PREP: variants seen among roughly 807,000 people sequenced by gnomAD.
PREP encodes the protein dJ355L5.1 (prolyl endopeptidase).
PREP carries 29 observed loss-of-function variants against 87.6 expected under a neutral mutation model. That is an observed-to-expected ratio of 0.33 (90% CI 0.25 to 0.45). PREP has a LOEUF of 0.45. PREP is among the 20% of genes least tolerant of loss of function. The pLI, the probability that PREP is intolerant of heterozygous loss-of-function variation, is 1.00. For synonymous variants in PREP, 337 were observed against 328.6 expected (o/e 1.03, Z -0.28); for missense variants, 695 against 886.5 (o/e 0.78, Z 2.74).
intron 14 of PREP, chr6:105,280,547 A>T (rs2114609652): frequency 6.6e-6 from 1 of 152,348 alleles, no homozygotes; most frequent in Non-Finnish European, 1.5e-5. Flanking sequence ...TGCAGTTTCA[A>T]ACATATGTAG....
chr6:105,374,220 G>A (rs764203651), intron 4 of PREP, among the ~76,000 whole-genome samples: 13 of 152,150 alleles, frequency 8.5e-5, no homozygotes, highest in Admixed American at 2.0e-4. Context: ...ATAGACTGTC[G>A]TGCCATGTAC....
In PREP at chr6:105,278,515, TA is replaced by T; in HGVS notation, c.1839-78del. On this transcript the variant is annotated intron_variant, in intron 14 of 14. Transcript: ENST00000652536. The surrounding 1 kb of genome is among the most constrained non-coding windows in gnomAD (Gnocchi z 4.2). Reference sequence around the variant, plus strand: ...TGGCACAGGGACCTAGGTAGTTAATTAGCAGTGAGGACTGCAGTTAACTAGT... The same window carrying T: ...TGGCACAGGGACCTAGGTAGTTAATTGCAGTGAGGACTGCAGTTAACTAGT... 2.1e-6 allele frequency: 3 copies of T among 1,432,554 alleles called. No homozygotes were observed. Among genetic ancestry groups the T allele is most frequent in the Non-Finnish European group, 2.9e-6 (3 of 1,041,742 alleles). 88.7% of individuals were successfully genotyped at this position (1,432,554 alleles called of 1,614,324 possible).
intron 10 of PREP, among the ~76,000 whole-genome samples, chr6:105,307,278 T>C (rs1770675304): frequency 6.6e-6 from 1 of 152,174 alleles, no homozygotes; most frequent in South Asian, 2.1e-4. Flanking sequence ...TGAATTTGTA[T>C]GTATGATTTC....
At chr6:105,380,413 G>T (rs1252916900) in intron 2 of PREP, among the ~76,000 whole-genome samples, 1 of 152,216 alleles carries the variant, frequency 6.6e-6, no homozygotes, top group African/African-American at 2.4e-5. Flanking sequence ...TCTCATCGAA[G>T]TGCAAATAAG....
At position 105,278,094 on chromosome 6, in the gene PREP, GA is replaced by G; in HGVS notation, c.*49del. 6.4e-7 allele frequency: 1 copy of G among 1,565,158 alleles called. No individual in the cohort carries two copies. Among genetic ancestry groups the G allele is most frequent in the Non-Finnish European group, 8.7e-7 (1 of 1,151,364 alleles). ...CAGTGGTTTCTTGGTGTCAACGTGG[GA>G]AAGCCCTTGAGGTTTTCTGTCGCTG... On this transcript the variant is annotated 3_prime_UTR_variant, in exon 15 of 15. Coordinates refer to ENST00000652536, the MANE Select transcript of PREP (RefSeq NM_002726.5). This position sits in a 1 kb window ranked among gnomAD's most constrained non-coding sequence, Gnocchi z 4.2.
intron 7 of PREP, among the ~76,000 whole-genome samples, chr6:105,333,752 A>G (rs1771405214): frequency 6.6e-6 from 1 of 152,148 alleles, no homozygotes; most frequent in Non-Finnish European, 1.5e-5. Flanking sequence ...CACCCCCACA[A>G]GATCTGGTAA....
chr6:105,345,499 C>A (rs1044548226), intron 7 of PREP, among the ~76,000 whole-genome samples: 1 of 152,158 alleles, frequency 6.6e-6, no homozygotes, highest in Non-Finnish European at 1.5e-5. Flanking sequence ...TTTGAAAAAT[C>A]ATCAACTAAA....
chr6:105,302,258 C>G (rs1149310), intron 10 of PREP, among the ~76,000 whole-genome samples: 14,282 of 152,256 alleles, frequency 0.094, 783 homozygotes, highest in African/African-American at 0.14. Flanking sequence ...GGGATTTATG[C>G]TGCACATGGA....
At chr6:105,352,838 G>T in intron 7 of PREP, 134 bp downstream of exon 7, 1 of 795,096 alleles carries the variant, frequency 1.3e-6, no homozygotes, top group Non-Finnish European at 2.0e-6. Flanking sequence ...AGTACTAAAA[G>T]AAAAAAAATC....
At chr6:105,381,341 C>T (rs1220374343) in intron 2 of PREP, among the ~76,000 whole-genome samples, 2 of 151,868 alleles carry the variant, frequency 1.3e-5, no homozygotes, top group African/African-American at 4.8e-5. Context: ...AATAATATTT[C>T]TGATATTTTA....
At chr6:105,380,504 G>A (rs983032557) in intron 2 of PREP, among the ~76,000 whole-genome samples, 1 of 152,172 alleles carries the variant, frequency 6.6e-6, no homozygotes, top group African/African-American at 2.4e-5. Context: ...AGCAAAAGTG[G>A]AGACAGACAG....
At chr6:105,322,939 T>G in intron 10 of PREP, 1 of 1,235,154 alleles carries the variant, frequency 8.1e-7, no homozygotes, top group Admixed American at 3.2e-5. Context: ...TCACAAACAA[T>G]GTTCTGATTC....
At chr6:105,333,623 G>A in intron 7 of PREP, 118 bp from the exon 8 acceptor site, 1 of 1,037,704 alleles carries the variant, frequency 9.6e-7, no homozygotes, top group African/African-American at 1.6e-5. Flanking sequence ...AGAGATATTT[G>A]GAAGATCTAG....
At chr6:105,350,679 G>T (rs978419015) in intron 7 of PREP, among the ~76,000 whole-genome samples, 4 of 152,034 alleles carry the variant, frequency 2.6e-5, no homozygotes, top group African/African-American at 9.7e-5. Context: ...ACCCTGTCCC[G>T]CACCATTGAT....
Position 105,278,162 on chromosome 6 carries a change from G to A in PREP, c.2115C>T (p.Asn705=), listed in dbSNP as rs778983196. The change falls in exon 15 of 15, where the codon AAC becomes AAT. Residue 705 remains asparagine, a synonymous_variant. Transcript: ENST00000652536. This position sits in a 1 kb window ranked among gnomAD's most constrained non-coding sequence, Gnocchi z 4.2. The stretch of plus-strand genomic sequence containing the variant: ...AAACTGTTTATGGAATCCAGTCGAC[G>A]TTCAGGCACCGCGCGATGAACGCAA... The part of the protein sequence containing the change: ...DMFAFIARCL[N]VDWIP 125 of 1,611,012 alleles carry A rather than the reference G, an allele frequency of 7.8e-5. 1 individual carries two copies. In the Admixed American group the frequency reaches 1.8e-3, roughly 23 times the overall value.
At chr6:105,369,277 T>C (rs940370484) in intron 5 of PREP, among the ~76,000 whole-genome samples, 11 of 152,200 alleles carry the variant, frequency 7.2e-5, no homozygotes, top group African/African-American at 2.7e-4. Flanking sequence ...AAGATCTATC[T>C]AAGGAAAACT....
chr6:105,333,657 G>T, intron 7 of PREP, 152 bp from the exon 8 acceptor site: 1 of 804,264 alleles, frequency 1.2e-6, no homozygotes, highest in Non-Finnish European at 1.9e-6. Context: ...GCAAGAACCA[G>T]TTGTGAGTAA....
At chr6:105,308,427 T>C (rs1400156346) in intron 10 of PREP, among the ~76,000 whole-genome samples, 2 of 152,104 alleles carry the variant, frequency 1.3e-5, no homozygotes, top group Non-Finnish European at 2.9e-5. Context: ...AATAAAAGCA[T>C]GCTAGGAAAA....
chr6:105,281,880 A>T lies in PREP; in HGVS notation c.1704T>A (p.Pro568=). The change falls in exon 14 of 15, where the codon CCT becomes CCA. Residue 568 remains proline (P), a synonymous_variant. Coordinates refer to ENST00000652536, the MANE Select transcript of PREP (RefSeq NM_002726.5). ...LLVAACANQR[P]DLFGCVIAQV... ...GGGCAATAACACAACCAAAGAGGTC[A>T]GGTCTCTGATTTGCACAAGCAGCTA... 1 of 1,614,064 alleles carries T rather than the reference A, an allele frequency of 6.2e-7. No homozygotes were observed. Among genetic ancestry groups the T allele is most frequent in the Non-Finnish European group, 8.5e-7 (1 of 1,179,986 alleles).
Sources: allele counts gnomAD v4.1 joint callset (sites outside exome capture counted in the v4.1 genomes callset), GRCh38; gene constraint gnomAD v4.1.1; non-coding constraint Gnocchi (gnomAD v3.1); transcripts MANE v1.5; gene names NCBI Gene and HGNC (gene_info 2026-07-23, HGNC 2026-07-21).